DNAH17: variants seen among roughly 807,000 people sequenced by gnomAD.
The protein encoded by DNAH17 is axonemal beta dynein heavy chain 17.
In DNAH17, 376 loss-of-function variants were observed where a neutral mutation model predicts 485.6. The observed-to-expected ratio is 0.77, with a 90% CI of 0.71 to 0.84. The LOEUF (loss-of-function observed/expected upper bound fraction) is 0.84, where lower values mean the gene tolerates loss of function less well. Ranked by LOEUF, DNAH17 falls within the 40% of genes least tolerant of loss-of-function variation. The pLI is 0.00. For missense variants in DNAH17, 6,370 were observed against 5,839.3 expected (o/e 1.09, Z -2.96); for synonymous variants, 3,031 against 2,405.9 (o/e 1.26, Z -7.60).
In DNAH17 at chr17:78,502,904, G is replaced by A. The variant is rs2146723918; in HGVS notation, c.5064C>T (p.Ile1688=). 1.2e-6 allele frequency: 2 copies of A among 1,613,948 alleles called. No individual in the cohort carries two copies. Among genetic ancestry groups the A allele is most frequent in the East Asian group, 2.2e-5 (1 of 44,872 alleles). Residue 1688 remains isoleucine, a synonymous_variant, in exon 32 of 81, where the codon ATC becomes ATT. Transcript: ENST00000389840. The part of the protein sequence containing the change: ...TYEEKPREQW[I]LDYPAQVALT... ...CTCAGACCTGGGCTGGGTAGTCCAG[G>A]ATCCACTGCTCCCTCGGCTTCTCTT...
At chr17:78,456,323 AAAAC>A (rs1277708176) in intron 62 of DNAH17, among the ~76,000 whole-genome samples, 3 of 152,108 alleles carry the variant, frequency 2.0e-5, no homozygotes, top group African/African-American at 7.2e-5. Context: ...AACAAAAAAT[AAAAC>A]AAACAAAAAA....
At chr17:78,528,728 C>T (rs1422689232) in intron 22 of DNAH17, among the ~76,000 whole-genome samples, 1 of 152,130 alleles carries the variant, frequency 6.6e-6, no homozygotes, top group African/African-American at 2.4e-5. Flanking sequence ...TCCTCCCACC[C>T]TCGCCCAGCC....
chr17:78,429,356 TGA>T (rs2086594058), intron 75 of DNAH17, 56 bp from the exon 76 acceptor site: 1 of 1,564,170 alleles, frequency 6.4e-7, no homozygotes, highest in Non-Finnish European at 8.7e-7. Flanking sequence ...TTCTCTGCCA[TGA>T]GAGGGTCAGG....
chr17:78,451,438 C>T (rs368051629), intron 66 of DNAH17, 31 bp downstream of exon 66: 5 of 1,583,502 alleles, frequency 3.2e-6, no homozygotes, highest in Non-Finnish European at 4.3e-6. Context: ...GACGGCACCT[C>T]CTCCCGTGTG....
At chr17:78,454,811 A>G in intron 63 of DNAH17, 106 bp from the exon 64 acceptor site, 1 of 957,574 alleles carries the variant, frequency 1.0e-6, no homozygotes, top group Non-Finnish European at 1.5e-6. Context: ...TTAGGGGTGG[A>G]CCAGCAGGAC....
intron 29 of DNAH17, 52 bp downstream of exon 29, chr17:78,507,226 T>C (rs2090509533): frequency 1.3e-6 from 2 of 1,596,114 alleles, no homozygotes; most frequent in African/African-American, 1.3e-5. Context: ...GACTTAAGAC[T>C]TAGGGAATCT....
intron 39 of DNAH17, 40 bp from the exon 40 acceptor site, chr17:78,494,860 C>T: frequency 6.4e-7 from 1 of 1,574,118 alleles, no homozygotes; most frequent in Non-Finnish European, 8.6e-7. Context: ...GTGAGCTCAC[C>T]TTCCTGTGGC....
At chr17:78,507,068 G>C (rs189201500) in intron 29 of DNAH17, among the ~76,000 whole-genome samples, 166 of 152,268 alleles carry the variant, frequency 1.1e-3, no homozygotes, top group African/African-American at 3.9e-3. Context: ...TTATTCTCCG[G>C]GTCATTGCTT....
chr17:78,480,922 G>A, intron 48 of DNAH17, 136 bp from the exon 49 acceptor site: 1 of 653,382 alleles, frequency 1.5e-6, no homozygotes. Flanking sequence ...CCAGGCTGGA[G>A]TGCAGTGGCA....
intron 71 of DNAH17, 81 bp from the exon 72 acceptor site, chr17:78,441,280 G>A (rs1430662239): frequency 6.6e-7 from 1 of 1,507,136 alleles, no homozygotes; most frequent in Non-Finnish European, 9.0e-7. Context: ...TGTGGCCCAG[G>A]CAGGGGGGCC....
In DNAH17 at chr17:78,558,282, A is replaced by G. The variant is rs778223590; in HGVS notation, c.2032-28T>C. On this transcript the variant is annotated intron_variant, in intron 13 of 80. Transcript: ENST00000389840. ...AAATGACAAACGAAGATCAAAGAAC[A>G]TGTCAGCAGGTCAGGTCAACAGTGC... 6.8e-6 allele frequency: 11 copies of G among 1,610,626 alleles called. No homozygotes were observed. The South Asian group carries it at 1.1e-4, about 16-fold the overall frequency.
At chr17:78,464,818 C>A (rs1159722511) in intron 56 of DNAH17, among the ~76,000 whole-genome samples, 1 of 152,260 alleles carries the variant, frequency 6.6e-6, no homozygotes, top group Non-Finnish European at 1.5e-5. Flanking sequence ...CTCCCTGGCA[C>A]AGGATTGCAG....
At chr17:78,459,719 A>G in intron 60 of DNAH17, 65 bp downstream of exon 60, 1 of 1,583,736 alleles carries the variant, frequency 6.3e-7, no homozygotes, top group Non-Finnish European at 8.7e-7. Flanking sequence ...TCACCTCAGC[A>G]TCGTGCCTTG....
intron 22 of DNAH17, among the ~76,000 whole-genome samples, chr17:78,527,635 C>A (rs1346286654): frequency 6.6e-6 from 1 of 152,144 alleles, no homozygotes; most frequent in Non-Finnish European, 1.5e-5. Context: ...ATCCCTCCAC[C>A]ACAATCCTGC....
chr17:78,464,733 G>A (rs114379618), intron 56 of DNAH17, among the ~76,000 whole-genome samples: 4,316 of 152,230 alleles, frequency 0.028, 214 homozygotes, highest in African/African-American at 0.099. Flanking sequence ...CGATCTGTCC[G>A]CACGCTGCAT....
chr17:78,497,604 C>G (rs562598784), intron 37 of DNAH17, among the ~76,000 whole-genome samples: 1 of 152,236 alleles, frequency 6.6e-6, no homozygotes, highest in Non-Finnish European at 1.5e-5. Flanking sequence ...AGGGTCCCCA[C>G]GGTAACAGCC....
In DNAH17 at chr17:78,505,246, C is replaced by T. The variant is rs771954867; in HGVS notation, c.4956+47G>A. ...TGAGGGCGTGTGGCCCACACGCGTG[C>T]TGCACCCTTGTCCTGGGTTCCCTGT... is the stretch of plus-strand genomic sequence containing the variant. On this transcript the variant is annotated intron_variant, in intron 31 of 80. Transcript: ENST00000389840. 3 of 1,610,196 alleles carry T rather than the reference C, an allele frequency of 1.9e-6. No individual in the cohort carries two copies. In the East Asian group the frequency reaches 6.7e-5, roughly 36 times the overall value.
At chr17:78,573,575 G>C (rs1156558937) in intron 2 of DNAH17, among the ~76,000 whole-genome samples, 1 of 144,018 alleles carries the variant, frequency 6.9e-6, no homozygotes, top group South Asian at 2.2e-4. Context: ...CTCCAGACTG[G>C]ACAACAGAGC....
At position 78,545,592 on chromosome 17, in the gene DNAH17, T is replaced by C. The variant is rs997828022; in HGVS notation, c.2392-1595A>G. Among the ~76,000 whole-genome samples the C allele has an allele frequency of 3.3e-5, 5 of 152,176 alleles. 1 individual carries two copies. Among genetic ancestry groups the C allele is most frequent in the Admixed American group, 2.6e-4 (4 of 15,270 alleles). On this transcript the variant is annotated intron_variant, in intron 16 of 80. Coordinates refer to ENST00000389840, the MANE Select transcript of DNAH17 (RefSeq NM_173628.4). ...TCGTGATGGCTCTATTCTCATGTTC[T>C]GATTGCCTCCCCAGGGCCACGTCTC...
Sources: gnomAD v4.1 joint callset for allele counts (sites outside exome capture counted in the v4.1 genomes callset) on GRCh38, gnomAD v4.1.1 for gene constraint, MANE v1.5 for transcripts, NCBI Gene and HGNC (gene_info 2026-07-23, HGNC 2026-07-21) for gene names.